Variants in MACROD1 observed in about 807,000 individuals in gnomAD.
MACROD1 encodes ADP-ribose glycohydrolase MACROD1.
MACROD1 carries 31 observed loss-of-function variants against 41.4 expected under a neutral mutation model. That is an observed-to-expected ratio of 0.75 (90% CI 0.56 to 1.01). The LOEUF (loss-of-function observed/expected upper bound fraction) is 1.01. Among genes scored for constraint, MACROD1 ranks in the 50% least tolerant of loss-of-function variants. The pLI, the probability that MACROD1 is intolerant of heterozygous loss-of-function variation, is 0.00. For synonymous variants in MACROD1, 252 were observed against 203.4 expected (o/e 1.24, Z -2.03); for missense variants, 473 against 460.0 (o/e 1.03, Z -0.26).
intron 3 of MACROD1, among the ~76,000 whole-genome samples, chr11:64,102,195 A>G (rs761751253): frequency 6.6e-6 from 1 of 152,178 alleles, no homozygotes; most frequent in Non-Finnish European, 1.5e-5. Flanking sequence ...TTTTCCAAAG[A>G]GGGGTTCCTG....
intron 4 of MACROD1, among the ~76,000 whole-genome samples, chr11:64,010,644 T>C (rs1316426975): frequency 1.4e-5 from 2 of 144,764 alleles, no homozygotes; most frequent in Non-Finnish European, 3.0e-5. Flanking sequence ...GGAGTGTTGT[T>C]TGGGGTGTTA....
chr11:64,101,813 G>T (rs1467193843), intron 3 of MACROD1, among the ~76,000 whole-genome samples: 1 of 152,112 alleles, frequency 6.6e-6, no homozygotes, highest in Non-Finnish European at 1.5e-5. Flanking sequence ...ATTCAGAATC[G>T]ATGTCCCGTG....
rs1942798374 is a variant in MACROD1, at chr11:64,000,250, C to T, written c.641G>A (p.Gly214Asp). 1 of 1,607,254 alleles carries T rather than the reference C, an allele frequency of 6.2e-7. No homozygotes were observed. Among genetic ancestry groups the T allele is most frequent in the East Asian group, 2.2e-5 (1 of 44,648 alleles). The change falls in exon 5 of 11, where the codon GGC (glycine) becomes GAC (aspartate). Residue 214 changes from glycine to aspartate, a missense_variant. Gly to Asp is a moderately conservative substitution (Grantham distance 94, BLOSUM62 -1). Coordinates refer to ENST00000255681, the MANE Select transcript of MACROD1 (RefSeq NM_014067.4). ...ACACTTGGCCGGGAGCCGATAGCCG[C>T]CGGTGATCTTGGCCTTGCCAGTCTT... is the stretch of plus-strand genomic sequence containing the variant. ...SCKTGKAKIT[G>D]GYRLPAKYVI...
intron 1 of MACROD1, 150 bp downstream of exon 1, chr11:64,165,547 G>C (rs1239831067): frequency 1.7e-6 from 1 of 596,968 alleles, no homozygotes; most frequent in African/African-American, 2.0e-5. Flanking sequence ...GCTGTCAATG[G>C]GGAGGAGGGG....
intron 3 of MACROD1, among the ~76,000 whole-genome samples, chr11:64,020,582 T>G (rs1291888429): frequency 6.6e-6 from 1 of 151,988 alleles, no homozygotes; most frequent in African/African-American, 2.4e-5. Flanking sequence ...CCCCAGACCC[T>G]TTTCATAGAC....
At chr11:64,119,502 G>C (rs1398456268) in intron 3 of MACROD1, among the ~76,000 whole-genome samples, 1 of 148,376 alleles carries the variant, frequency 6.7e-6, no homozygotes, top group African/African-American at 2.6e-5. Flanking sequence ...CCTAGGACGG[G>C]TAATTAGCGC....
chr11:64,098,752 C>T (rs1302928719), intron 3 of MACROD1, among the ~76,000 whole-genome samples: 1 of 152,246 alleles, frequency 6.6e-6, no homozygotes, highest in Non-Finnish European at 1.5e-5. Flanking sequence ...GATCTAAACT[C>T]TGCCCTCTTT....
rs540365449 is a variant in MACROD1, at chr11:64,108,092, T to C, written c.517+43147A>G. Among the ~76,000 whole-genome samples, 21 of 152,208 alleles carry C rather than the reference T, an allele frequency of 1.4e-4. No individual in the cohort carries two copies. The South Asian group carries it at 4.2e-3, about 30-fold the overall frequency. The stretch of plus-strand genomic sequence containing the variant: ...ACTTTGGGAGGCCGAGGCGGGCAGA[T>C]CACCTGAGGTCAGGAGTTAGTGACC... On this transcript the variant is annotated intron_variant, in intron 3 of 10. Coordinates refer to ENST00000255681, the MANE Select transcript of MACROD1 (RefSeq NM_014067.4).
chr11:64,122,695 G>A lies in MACROD1; in HGVS notation c.517+28544C>T, dbSNP rs539240545. ...GGGGTGTGCTAGGGAGGGGTCCAGC[G>A]TCACTCAGGAAACTGGTGCTCCAGA... On this transcript the variant is annotated intron_variant, in intron 3 of 10. Coordinates refer to ENST00000255681, the MANE Select transcript of MACROD1 (RefSeq NM_014067.4). The surrounding 1 kb of genome is among the most constrained non-coding windows in gnomAD (Gnocchi z 4.0). Among the ~76,000 whole-genome samples, 3 of 152,266 alleles carry A rather than the reference G, an allele frequency of 2.0e-5. No individual in the cohort carries two copies. The South Asian group carries it at 6.2e-4, about 32-fold the overall frequency.
chr11:64,085,180 G>A (rs1337422574), intron 3 of MACROD1, among the ~76,000 whole-genome samples: 9 of 152,166 alleles, frequency 5.9e-5, no homozygotes, highest in African/African-American at 2.2e-4. Flanking sequence ...GGGCAGCTTG[G>A]AGGAGCACGC....
chr11:64,141,956 CCT>C (rs1009063840), intron 3 of MACROD1, among the ~76,000 whole-genome samples: 8 of 152,200 alleles, frequency 5.3e-5, no homozygotes, highest in Non-Finnish European at 4.4e-5. Flanking sequence ...TAGATCCTCC[CCT>C]GTCCTCCTCT....
At chr11:64,126,579 T>G (rs1020008893) in intron 3 of MACROD1, among the ~76,000 whole-genome samples, 12 of 152,022 alleles carry the variant, frequency 7.9e-5, no homozygotes, top group African/African-American at 2.9e-4. Flanking sequence ...GTATCTTATG[T>G]GGTGTCGTAA....
chr11:64,039,460 A>G (rs1176571505), intron 3 of MACROD1, among the ~76,000 whole-genome samples: 1 of 152,042 alleles, frequency 6.6e-6, no homozygotes, highest in African/African-American at 2.4e-5. Context: ...TCTGCCGGAG[A>G]CAAAGTTCAG....
chr11:64,033,819 C>A (rs1047916596), intron 3 of MACROD1, among the ~76,000 whole-genome samples: 1 of 151,834 alleles, frequency 6.6e-6, no homozygotes, highest in Non-Finnish European at 1.5e-5. Context: ...CCAGCCTGGG[C>A]GACAAGAGTG....
In MACROD1 at chr11:64,036,778, G is replaced by A. The variant is rs1240345733; in HGVS notation, c.518-21497C>T. ...CCGTACACCTGGCGGCTGGAACGGT[G>A]AGACCATGGTGCCTGGGCGGGGGGC... On this transcript the variant is annotated intron_variant, in intron 3 of 10. Transcript: ENST00000255681. This position sits in a 1 kb window ranked among gnomAD's most constrained non-coding sequence, Gnocchi z 5.6. Among the ~76,000 whole-genome samples, 1 of 152,198 alleles carries A rather than the reference G, an allele frequency of 6.6e-6. No individual in the cohort carries two copies. The highest frequency in any genetic ancestry group is 1.5e-5 in the Non-Finnish European group (1 of 68,016).
At position 64,036,368 on chromosome 11, in the gene MACROD1, G is replaced by A. The variant is rs960061532; in HGVS notation, c.518-21087C>T. Among the ~76,000 whole-genome samples the A allele has an allele frequency of 7.9e-4, 121 of 152,280 alleles. No individual in the cohort carries two copies. The highest frequency in any genetic ancestry group is 1.2e-3 in the Non-Finnish European group (79 of 68,006). ...GAGTCAAGAGCCAAGCACCAGTAGC[G>A]GTGGCGCTGGCCCCGCCGCGGGGAG... On this transcript the variant is annotated intron_variant, in intron 3 of 10. Coordinates refer to ENST00000255681, the MANE Select transcript of MACROD1 (RefSeq NM_014067.4). The surrounding 1 kb of genome is among the most constrained non-coding windows in gnomAD (Gnocchi z 5.6).
At chr11:64,038,591 C>T (rs1452407353) in intron 3 of MACROD1, among the ~76,000 whole-genome samples, 1 of 152,184 alleles carries the variant, frequency 6.6e-6, no homozygotes, top group African/African-American at 2.4e-5. Flanking sequence ...TAGCTGGGCA[C>T]AGCCACCTCT....
chr11:64,150,730 C>A (rs1364189407), intron 3 of MACROD1, among the ~76,000 whole-genome samples: 1 of 152,196 alleles, frequency 6.6e-6, no homozygotes, highest in Non-Finnish European at 1.5e-5. Context: ...AATAAACTGC[C>A]AAGCCAGCAA....
At chr11:64,100,020 A>C (rs1374359464) in intron 3 of MACROD1, among the ~76,000 whole-genome samples, 1 of 152,210 alleles carries the variant, frequency 6.6e-6, no homozygotes, top group Non-Finnish European at 1.5e-5. Flanking sequence ...GGAGTAGTGC[A>C]GCAAGAAGGA....
Sources: gnomAD v4.1 joint callset for allele counts (sites outside exome capture counted in the v4.1 genomes callset) on GRCh38, gnomAD v4.1.1 for gene constraint, Gnocchi (gnomAD v3.1) non-coding constraint, MANE v1.5 for transcripts, NCBI Gene and HGNC (gene_info 2026-07-23, HGNC 2026-07-21) for gene names.